The following UGT1A8 variants were observed in gnomAD, a reference collection of about 807,000 sequenced individuals.
UGT1A8 encodes UDP-glucuronosyltransferase 1A8.
Under a neutral mutation model 45.3 loss-of-function variants are expected in UGT1A8, and 39 were observed. The ratio of observed to expected loss-of-function variants is 0.86; its 90% CI spans 0.67 to 1.12. UGT1A8 has a LOEUF of 1.12. Ranked by LOEUF, UGT1A8 falls within the 50% of genes most tolerant of loss-of-function variation. The pLI, the probability that UGT1A8 is intolerant of heterozygous loss-of-function variation, is 0.00. For synonymous variants in UGT1A8, 275 were observed against 249.2 expected, an observed-to-expected ratio of 1.10 and a Z score of -0.97; for missense variants, 719 against 664.9, an observed-to-expected ratio of 1.08 and a Z score of -0.90.
In UGT1A8 at chr2:233,699,737, A is replaced by G. The variant is rs28898584; in HGVS notation, c.856-67297A>G. Among the ~76,000 whole-genome samples, 1,362 of 152,336 alleles carry G rather than the reference A, an allele frequency of 8.9e-3. 31 individuals carry two copies. The highest frequency in any genetic ancestry group is 0.031 in the African/African-American group (1,271 of 41,572). ...AGCATTTTTTACGGAGCGTTTTCCC[A>G]GAAAACTAGACCCCAGTTCCTCAGG... On this transcript the variant is annotated intron_variant, in intron 1 of 4. Coordinates refer to ENST00000373450, the MANE Select transcript of UGT1A8 (RefSeq NM_019076.5).
rs2076338429 is a variant in UGT1A8 at position 233,713,673 on chromosome 2, T to C, written c.856-53361T>C. The C allele has an allele frequency of 1.4e-5, 22 of 1,613,890 alleles. No individual in the cohort carries two copies. The East Asian group carries it at 4.9e-4, about 36-fold the overall frequency. On this transcript the variant is annotated intron_variant, in intron 1 of 4. Transcript: ENST00000373450. Reference sequence around the variant, plus strand: ...CCTGTCCTACCTTTGCCATGCTGTTTCTGCTCCTTATGCAAGCCTTGCCTC... The same window carrying C: ...CCTGTCCTACCTTTGCCATGCTGTTCCTGCTCCTTATGCAAGCCTTGCCTC...
At chr2:233,689,020 G>A (rs1039573681) in intron 1 of UGT1A8, among the ~76,000 whole-genome samples, 2 of 152,134 alleles carry the variant, frequency 1.3e-5, no homozygotes, top group African/African-American at 4.8e-5. Flanking sequence ...CATAAACATG[G>A]CCAAGTGGAA....
At chr2:233,673,289 T>G (rs1359770099) in intron 1 of UGT1A8, among the ~76,000 whole-genome samples, 1 of 152,198 alleles carries the variant, frequency 6.6e-6, no homozygotes, top group East Asian at 1.9e-4. Context: ...ATAAATACCT[T>G]TATAGACCAA....
chr2:233,706,820 G>A (rs903944218), intron 1 of UGT1A8, among the ~76,000 whole-genome samples: 4 of 152,174 alleles, frequency 2.6e-5, no homozygotes, highest in African/African-American at 9.7e-5. Flanking sequence ...GCCAATCCCA[G>A]GGCAGGACTC....
At chr2:233,741,132 C>G (rs1370599110) in intron 1 of UGT1A8, among the ~76,000 whole-genome samples, 1 of 151,794 alleles carries the variant, frequency 6.6e-6, no homozygotes, top group Admixed American at 6.6e-5. Flanking sequence ...AAAAGCAACA[C>G]TTTCCATTTA....
At chr2:233,765,166 G>T (rs1228376175) in intron 1 of UGT1A8, among the ~76,000 whole-genome samples, 1 of 152,128 alleles carries the variant, frequency 6.6e-6, no homozygotes, top group Non-Finnish European at 1.5e-5. Flanking sequence ...CCCTCAGTTT[G>T]GGCAAGCCCT....
At chr2:233,654,846 C>T (rs1293467540) in intron 1 of UGT1A8, among the ~76,000 whole-genome samples, 3 of 152,168 alleles carry the variant, frequency 2.0e-5, no homozygotes, top group Admixed American at 6.5e-5. Context: ...AATCCCTGCA[C>T]TTAGGGAAAC....
chr2:233,667,039 C>G (rs1438691196), intron 1 of UGT1A8, among the ~76,000 whole-genome samples: 8 of 152,102 alleles, frequency 5.3e-5, no homozygotes, highest in African/African-American at 1.9e-4. Context: ...TTTCTTAATC[C>G]AGTCTATCAT....
At chr2:233,701,299 TC>T (rs1695147734) in intron 1 of UGT1A8, among the ~76,000 whole-genome samples, 1 of 152,164 alleles carries the variant, frequency 6.6e-6, no homozygotes, top group Non-Finnish European at 1.5e-5. Context: ...CGCCACACTG[TC>T]TTCCACAATG....
chr2:233,724,371 C>T (rs1285685419), intron 1 of UGT1A8, among the ~76,000 whole-genome samples: 4 of 147,620 alleles, frequency 2.7e-5, no homozygotes, highest in African/African-American at 1.0e-4. Flanking sequence ...GACGGGGTGG[C>T]TGCCGGGCGG....
At chr2:233,744,417 G>C (rs1328403713) in intron 1 of UGT1A8, among the ~76,000 whole-genome samples, 1 of 151,850 alleles carries the variant, frequency 6.6e-6, no homozygotes, top group Non-Finnish European at 1.5e-5. Flanking sequence ...TTTTGTTCAT[G>C]TGGATTATAT....
At chr2:233,724,244 G>A (rs2077194489) in intron 1 of UGT1A8, among the ~76,000 whole-genome samples, 1 of 128,296 alleles carries the variant, frequency 7.8e-6, no homozygotes, top group Non-Finnish European at 1.7e-5. Flanking sequence ...GCCGGGCAGA[G>A]GCGCCCCTCA....
chr2:233,622,967 A>C (rs1184315281), intron 1 of UGT1A8, among the ~76,000 whole-genome samples: 1 of 152,148 alleles, frequency 6.6e-6, no homozygotes, highest in African/African-American at 2.4e-5. Context: ...TCCCAGCACC[A>C]TTTATTAAAT....
intron 1 of UGT1A8, among the ~76,000 whole-genome samples, chr2:233,660,291 G>T (rs2073938533): frequency 6.6e-6 from 1 of 152,164 alleles, no homozygotes; most frequent in Non-Finnish European, 1.5e-5. Flanking sequence ...AAAACCATGT[G>T]TAATGAGCCT....
In UGT1A8 at chr2:233,706,530, AAC is replaced by A. The variant is rs1236374777; in HGVS notation, c.856-60500_856-60499del. Among the ~76,000 whole-genome samples, 8 of 152,328 alleles carry A rather than the reference AAC, an allele frequency of 5.3e-5. No homozygotes were observed. The East Asian group carries it at 1.3e-3, about 26-fold the overall frequency. ...GCTGAGGATTTTACAGCGGCTTAGA[AAC>A]ACAGCTTTTTTTCTAGGTGTTTCTC... On this transcript the variant is annotated intron_variant, in intron 1 of 4. Transcript: ENST00000373450.
intron 1 of UGT1A8, chr2:233,671,745 A>G (rs1200134039): frequency 1.6e-6 from 2 of 1,253,620 alleles, no homozygotes; most frequent in African/African-American, 3.0e-5. Context: ...ATACAAATAG[A>G]TATCTCAGCA....
At chr2:233,693,701 G>A (rs984756708) in intron 1 of UGT1A8, 3 of 1,614,192 alleles carry the variant, frequency 1.9e-6, no homozygotes, top group South Asian at 1.1e-5. Flanking sequence ...TGAAGAACTC[G>A]CATCAGCTGT....
At chr2:233,755,091 T>C (rs747522597) in intron 1 of UGT1A8, 2 of 1,335,830 alleles carry the variant, frequency 1.5e-6, no homozygotes, top group East Asian at 4.6e-5. Flanking sequence ...ATCGCGTTTC[T>C]ACGCGTCCGA....
At chr2:233,755,150 C>A (rs1325253274) in intron 1 of UGT1A8, 1 of 1,299,090 alleles carries the variant, frequency 7.7e-7, no homozygotes, top group Non-Finnish European at 1.0e-6. Flanking sequence ...TCACCGCTTC[C>A]TCCCTGTCCT....
Sources: gnomAD v4.1 joint callset for allele counts (sites outside exome capture counted in the v4.1 genomes callset) on GRCh38, gnomAD v4.1.1 for gene constraint, MANE v1.5 for transcripts, NCBI Gene and HGNC (gene_info 2026-07-23, HGNC 2026-07-21) for gene names.